Variants in NLRP2 observed in about 807,000 individuals in gnomAD.
NLRP2 encodes NACHT, LRR and PYD domains-containing protein 2.
NLRP2 carries 107 observed loss-of-function variants against 97.2 expected under a neutral mutation model. That is an observed-to-expected ratio of 1.10 (90% confidence interval 0.94 to 1.29). The LOEUF is 1.29. Ranked by LOEUF, NLRP2 falls within the 50% of genes most tolerant of loss-of-function variation. NLRP2 has a pLI of 0.00. For missense variants in NLRP2, 1,495 were observed against 1,330.3 expected (o/e 1.12, Z -1.93); for synonymous variants, 663 against 551.5 (o/e 1.20, Z -2.83).
chr19:54,973,633 C>G (rs1299000168), intron 2 of NLRP2, among the ~76,000 whole-genome samples: 1 of 152,110 alleles, frequency 6.6e-6, no homozygotes, highest in African/African-American at 2.4e-5. Context: ...CTCAGCCTCC[C>G]AGAGTGCTGG....
Position 54,994,435 on chromosome 19 carries a change from CTG to C in NLRP2, c.2878_2879del (p.Trp960ValfsTer12), listed in dbSNP as rs2072690319. On this transcript the variant is annotated frameshift_variant and splice_region_variant, in exon 11 of 13. Coordinates refer to ENST00000448584, the MANE Select transcript of NLRP2 (RefSeq NM_017852.5). LOFTEE classifies it high-confidence loss of function. ...GAAACCACTGTGCAACTTGAGATGT[CTG>C]TGGTGAGTTAACTTATAAGTTCAAC... ...LRKPLCNLRC[L>X]WLWGCSIPPF... 3 of 1,612,556 alleles carry C rather than the reference CTG, an allele frequency of 1.9e-6. No individual in the cohort carries two copies. Among genetic ancestry groups the C allele is most frequent in the African/African-American group, 2.7e-5 (2 of 74,874 alleles).
intron 11 of NLRP2, among the ~76,000 whole-genome samples, chr19:54,996,093 C>A (rs954441705): frequency 6.8e-6 from 1 of 147,916 alleles, no homozygotes; most frequent in Non-Finnish European, 1.5e-5. Context: ...CTCACTGACA[C>A]GTGTAGAGGA....
At chr19:54,998,786 C>T (rs1254393263) in intron 12 of NLRP2, among the ~76,000 whole-genome samples, 3 of 150,478 alleles carry the variant, frequency 2.0e-5, no homozygotes, top group African/African-American at 7.4e-5. Flanking sequence ...TGCGGCCTTC[C>T]GCAGCGTTTG....
In NLRP2 at chr19:54,985,033, TCTC is replaced by T. The variant is rs1369847890; in HGVS notation, c.2031-13_2031-11del. On this transcript the variant is annotated splice_polypyrimidine_tract_variant and intron_variant, in intron 6 of 12. Coordinates refer to ENST00000448584, the MANE Select transcript of NLRP2 (RefSeq NM_017852.5). Reference sequence around the variant, plus strand: ...ACACACATTTGGTGTAACCCTTTCTTCTCTTCCCTATAGATCCCAGGATGATCA... The same window carrying T: ...ACACACATTTGGTGTAACCCTTTCTTTTCCCTATAGATCCCAGGATGATCA... 15 of 1,613,690 alleles carry T rather than the reference TCTC, an allele frequency of 9.3e-6. No homozygotes were observed. The highest frequency in any genetic ancestry group is 5.0e-5 in the Admixed American group (3 of 59,978).
chr19:54,989,990 A>AAG (rs1568522178), intron 8 of NLRP2, 32 bp from the exon 9 acceptor site: 10 of 1,612,060 alleles, frequency 6.2e-6, no homozygotes, highest in Non-Finnish European at 6.8e-6. Flanking sequence ...CAAAAAAAAA[A>AAG]AAAAAATGAC....
At position 54,983,261 on chromosome 19, in the gene NLRP2, GGAA is replaced by G. The variant is rs770078714; in HGVS notation, c.1566_1568del (p.Glu523del). Reference sequence around the variant, plus strand: ...TGTTCTACACCCTGGAGAAGGAGGAGGAAGAGGATAGGGACGGCCACACCTGGG... The same window carrying G: ...TGTTCTACACCCTGGAGAAGGAGGAGGAGGATAGGGACGGCCACACCTGGG... On this transcript the variant is annotated inframe_deletion, in exon 6 of 13. Transcript: ENST00000448584. 9 of 1,612,466 alleles carry G rather than the reference GGAA, an allele frequency of 5.6e-6. No homozygotes were observed. Among genetic ancestry groups the G allele is most frequent in the South Asian group, 5.5e-5 (5 of 91,008 alleles).
chr19:54,978,524 C>T (rs950098778), intron 4 of NLRP2, among the ~76,000 whole-genome samples: 3 of 152,074 alleles, frequency 2.0e-5, no homozygotes, highest in East Asian at 1.9e-4. Context: ...GGATTACAGG[C>T]GAGAGCCACC....
At chr19:54,990,452 G>T (rs748245857) in intron 9 of NLRP2, 50 bp from the exon 10 acceptor site, 1 of 1,594,254 alleles carries the variant, frequency 6.3e-7, no homozygotes, top group Non-Finnish European at 8.6e-7. Context: ...TAGCCGGGAA[G>T]GTTGAAGTTG....
At chr19:54,981,591 A>G (rs1173961440) in intron 4 of NLRP2, 26 bp from the exon 5 acceptor site, 5 of 1,304,916 alleles carry the variant, frequency 3.8e-6, no homozygotes, top group Admixed American at 3.7e-5. Flanking sequence ...TTTTGTGTCA[A>G]TCTCACATGA....
chr19:54,997,897 T>C (rs1009274162), intron 12 of NLRP2, among the ~76,000 whole-genome samples: 3 of 151,766 alleles, frequency 2.0e-5, no homozygotes, highest in African/African-American at 7.3e-5. Context: ...TAGGTAGGTT[T>C]ATAAGCATGA....
At chr19:54,988,902 G>T (rs2072273076) in intron 8 of NLRP2, among the ~76,000 whole-genome samples, 1 of 152,058 alleles carries the variant, frequency 6.6e-6, no homozygotes, top group Non-Finnish European at 1.5e-5. Flanking sequence ...GGGTATGGTG[G>T]CTCCTGCCTG....
chr19:54,985,106 C>A lies in NLRP2; in HGVS notation c.2090C>A (p.Ser697Ter), dbSNP rs750767986. The A allele has an allele frequency of 3.7e-6, 6 of 1,614,104 alleles. No homozygotes were observed. Among genetic ancestry groups the A allele is most frequent in the Non-Finnish European group, 4.2e-6 (5 of 1,180,018 alleles). The change falls in exon 7 of 13, where the codon TCA (serine) becomes TAA (stop). Residue 697 changes from serine to a stop codon, truncating the protein, a stop_gained. Transcript: ENST00000448584. LOFTEE classifies it high-confidence loss of function. Reference sequence around the variant, plus strand: ...ACGGACCTTTGTTCCATATTTGGATCAAATAAGGATCTGATGGGTCTAGCA... The same window carrying A: ...ACGGACCTTTGTTCCATATTTGGATAAAATAAGGATCTGATGGGTCTAGCA... ...FWTDLCSIFGSNKDLMGLAIN... is the reference protein window; with the variant it reads ...FWTDLCSIFG
In NLRP2 at chr19:54,985,150, A is replaced by C. The variant is rs775798143; in HGVS notation, c.2134A>C (p.Ser712Arg). ...MGLAINDSFL[S>R]ASLVRILCEQ... is the part of the protein sequence containing the mutation. ...TCTAGCAATCAATGATAGCTTTCTC[A>C]GTGCCTCCCTAGTAAGGATCCTGTG... Residue 712 changes from serine (S) to arginine (R), a missense_variant, in exon 7 of 13, where the codon AGT becomes CGT. Ser to Arg is a moderately radical substitution (Grantham distance 110). Coordinates refer to ENST00000448584, the MANE Select transcript of NLRP2 (RefSeq NM_017852.5). 1.9e-5 allele frequency: 30 copies of C among 1,613,818 alleles called. No individual in the cohort carries two copies. The highest frequency in any genetic ancestry group is 1.1e-5 in the South Asian group (1 of 91,080).
intron 3 of NLRP2, among the ~76,000 whole-genome samples, chr19:54,976,397 G>T (rs1033884394): frequency 6.6e-6 from 1 of 151,510 alleles, no homozygotes; most frequent in Non-Finnish European, 1.5e-5. Context: ...TGTCACCCAG[G>T]CTGGAGTGCA....
chr19:54,985,357 A>C (rs1192144467), intron 7 of NLRP2, 140 bp downstream of exon 7: 2 of 823,348 alleles, frequency 2.4e-6, no homozygotes, highest in Non-Finnish European at 4.0e-6. Context: ...CTGTCCTTAA[A>C]TTTATTTTGT....
chr19:54,996,451 C>T (rs1048991826), intron 11 of NLRP2, among the ~76,000 whole-genome samples: 3 of 152,008 alleles, frequency 2.0e-5, no homozygotes, highest in Non-Finnish European at 2.9e-5. Context: ...TACAGTGAGC[C>T]GAGATCATGC....
chr19:54,981,949 TTTA>T (rs2071603502), intron 5 of NLRP2, among the ~76,000 whole-genome samples: 1 of 152,074 alleles, frequency 6.6e-6, no homozygotes, highest in Non-Finnish European at 1.5e-5. Context: ...TGGCTAATTT[TTTA>T]TTTTTAGTAG....
At position 54,985,116 on chromosome 19, in the gene NLRP2, T is replaced by C; in HGVS notation, c.2100T>C (p.Asp700=). The C allele has an allele frequency of 6.2e-7, 1 of 1,614,072 alleles. No homozygotes were observed. The highest frequency in any genetic ancestry group is 8.5e-7 in the Non-Finnish European group (1 of 1,179,986). ...GTTCCATATTTGGATCAAATAAGGA[T>C]CTGATGGGTCTAGCAATCAATGATA... ...DLCSIFGSNK[D]LMGLAINDSF... The change falls in exon 7 of 13, where the codon GAT becomes GAC. Residue 700 remains aspartate (D), a synonymous_variant. Transcript: ENST00000448584.
At chr19:54,993,552 A>G (rs2072624075) in intron 10 of NLRP2, 1 of 155,956 alleles carries the variant, frequency 6.4e-6, no homozygotes, top group Non-Finnish European at 1.4e-5. Context: ...GTAAGACACT[A>G]CCTCTCTAGC....
Sources: allele counts gnomAD v4.1 joint callset (sites outside exome capture counted in the v4.1 genomes callset), GRCh38; gene constraint gnomAD v4.1.1; transcripts MANE v1.5; gene names NCBI Gene and HGNC (gene_info 2026-07-23, HGNC 2026-07-21).